The following CEP89 variants were observed in gnomAD, a reference collection of about 807,000 sequenced individuals.
CEP89 encodes centrosomal protein of 89 kDa.
A neutral mutation model predicts 97.6 loss-of-function variants in CEP89; 95 were observed. The ratio of observed to expected loss-of-function variants is 0.97; its 90% confidence interval spans 0.82 to 1.15. CEP89 has a LOEUF of 1.15. CEP89 is among the 50% of genes most tolerant of loss of function. CEP89 has a pLI of 0.00. For missense variants in CEP89, 869 were observed against 947.7 expected (o/e 0.92, Z 1.09); for synonymous variants, 354 against 349.1 (o/e 1.01, Z -0.16).
chr19:32,946,734 C>A (rs1449011693), intron 5 of CEP89, among the ~76,000 whole-genome samples: 1 of 151,958 alleles, frequency 6.6e-6, no homozygotes, highest in East Asian at 1.9e-4. Flanking sequence ...AAGGGGAAAC[C>A]CCTTTCTCTT....
intron 5 of CEP89, among the ~76,000 whole-genome samples, chr19:32,943,624 C>CA (rs1215123336): frequency 2.3e-4 from 33 of 142,364 alleles, no homozygotes; most frequent in South Asian, 8.9e-4. Context: ...GATCCTGTCT[C>CA]AAAAAAAAAA....
chr19:32,885,566 C>T (rs1158471651), intron 17 of CEP89, among the ~76,000 whole-genome samples: 1 of 152,176 alleles, frequency 6.6e-6, no homozygotes, highest in Admixed American at 6.5e-5. Flanking sequence ...AAGTGATCTG[C>T]CTGCCTTGGC....
At chr19:32,903,209 A>G (rs1248687216) in intron 14 of CEP89, among the ~76,000 whole-genome samples, 1 of 152,150 alleles carries the variant, frequency 6.6e-6, no homozygotes, top group Non-Finnish European at 1.5e-5. Flanking sequence ...AACAGAAAAG[A>G]AAGTAAACAA....
intron 14 of CEP89, among the ~76,000 whole-genome samples, chr19:32,904,776 G>T (rs1969855379): frequency 2.6e-5 from 4 of 151,924 alleles, no homozygotes; most frequent in African/African-American, 7.3e-5. Context: ...ATTTTTAGTA[G>T]AGATGGGGTT....
intron 12 of CEP89, among the ~76,000 whole-genome samples, chr19:32,922,016 G>A (rs1002225738): frequency 9.2e-5 from 14 of 152,188 alleles, no homozygotes; most frequent in Non-Finnish European, 1.5e-4. Context: ...AGTCCTGCCT[G>A]GATATTGCTT....
At chr19:32,892,220 T>TATAA (rs1555788336) in intron 16 of CEP89, among the ~76,000 whole-genome samples, 7 of 88,964 alleles carry the variant, frequency 7.9e-5, no homozygotes, top group Non-Finnish European at 1.7e-4. Context: ...TATATATATA[T>TATAA]ATATATATAT....
intron 7 of CEP89, among the ~76,000 whole-genome samples, chr19:32,934,512 G>A (rs1222542617): frequency 1.3e-5 from 2 of 152,180 alleles, no homozygotes; most frequent in Non-Finnish European, 2.9e-5. Flanking sequence ...GGGAGGGAGA[G>A]GCGGAAGCAG....
At chr19:32,917,391 AGTGCTAGCCCTGCAACTG>A (rs1970149521) in intron 13 of CEP89, among the ~76,000 whole-genome samples, 2 of 152,184 alleles carry the variant, frequency 1.3e-5, no homozygotes, top group Non-Finnish European at 2.9e-5. Context: ...AGAAACAGGA[AGTGCTAGCCCTGCAACTG>A]CAGCAACAGC....
At chr19:32,962,866 C>T (rs1335748682) in intron 2 of CEP89, among the ~76,000 whole-genome samples, 2 of 152,178 alleles carry the variant, frequency 1.3e-5, no homozygotes, top group East Asian at 3.8e-4. Flanking sequence ...ATGTCATTGC[C>T]TCCAACTGAA....
At chr19:32,961,225 GAAT>G (rs1230485233) in intron 2 of CEP89, among the ~76,000 whole-genome samples, 1 of 151,920 alleles carries the variant, frequency 6.6e-6, no homozygotes, top group East Asian at 1.9e-4. Context: ...GGGTACTGGG[GAAT>G]AATTAGCCCT....
chr19:32,949,681 A>C (rs1437682766), intron 4 of CEP89, among the ~76,000 whole-genome samples: 3 of 151,482 alleles, frequency 2.0e-5, no homozygotes, highest in Non-Finnish European at 4.4e-5. Context: ...ACTGCACTCG[A>C]CCTGAACCAG....
Position 32,937,685 on chromosome 19 carries a change from A to G in CEP89, c.625-12T>C. 6.3e-7 allele frequency: 1 copy of G among 1,596,400 alleles called. No individual in the cohort carries two copies. Among genetic ancestry groups the G allele is most frequent in the Non-Finnish European group, 8.6e-7 (1 of 1,166,572 alleles). Reference sequence around the variant, plus strand: ...GGAGGTTTTTCATCCTAGGAAAGAAAGAACATAAGAGGAATAAGTGCAGAG... The same window carrying G: ...GGAGGTTTTTCATCCTAGGAAAGAAGGAACATAAGAGGAATAAGTGCAGAG... On this transcript the variant is annotated splice_polypyrimidine_tract_variant and intron_variant, in intron 6 of 18. Coordinates refer to ENST00000305768, the MANE Select transcript of CEP89 (RefSeq NM_032816.5).
chr19:32,941,591 A>T (rs1336878881), intron 5 of CEP89, among the ~76,000 whole-genome samples: 1 of 152,194 alleles, frequency 6.6e-6, no homozygotes, highest in African/African-American at 2.4e-5. Flanking sequence ...GGCCAAAGTC[A>T]TCTTGATCAA....
At chr19:32,959,191 T>G (rs2145967896) in intron 3 of CEP89, among the ~76,000 whole-genome samples, 1 of 152,116 alleles carries the variant, frequency 6.6e-6, no homozygotes, top group East Asian at 1.9e-4. Flanking sequence ...ACCCCCAGCC[T>G]GGTCCCTGCC....
chr19:32,925,485 C>CTTTTT (rs67751450), intron 11 of CEP89, among the ~76,000 whole-genome samples: 2 of 120,110 alleles, frequency 1.7e-5, no homozygotes, highest in African/African-American at 3.4e-5. Flanking sequence ...CCAAATAGCC[C>CTTTTT]TTTTTTTTTT....
At chr19:32,969,968 A>G (rs914776834) in intron 1 of CEP89, 5 of 152,266 alleles carry the variant, frequency 3.3e-5, no homozygotes, top group African/African-American at 4.8e-5. Flanking sequence ...TGAAGTGTGC[A>G]GCCCTAGCCA....
chr19:32,910,492 ATTAT>A (rs1243748458), intron 14 of CEP89, among the ~76,000 whole-genome samples: 1 of 152,150 alleles, frequency 6.6e-6, no homozygotes, highest in African/African-American at 2.4e-5. Context: ...CTACATTTAA[ATTAT>A]TTTTAAAATT....
chr19:32,894,912 A>C (rs1054335346), intron 16 of CEP89, among the ~76,000 whole-genome samples: 3 of 152,204 alleles, frequency 2.0e-5, no homozygotes, highest in Non-Finnish European at 4.4e-5. Context: ...TGACAACACT[A>C]CCAAGATTGA....
intron 3 of CEP89, among the ~76,000 whole-genome samples, chr19:32,954,652 C>T (rs1971008371): frequency 1.3e-5 from 2 of 151,150 alleles, no homozygotes; most frequent in South Asian, 4.2e-4. Context: ...TGAGCCCAGC[C>T]TGTTGTTATT....
Sources: gnomAD v4.1 joint callset for allele counts (sites outside exome capture counted in the v4.1 genomes callset) on GRCh38, gnomAD v4.1.1 for gene constraint, MANE v1.5 for transcripts, NCBI Gene and HGNC (gene_info 2026-07-23, HGNC 2026-07-21) for gene names.